NTRK2: variants seen among roughly 807,000 people sequenced by gnomAD.
The protein encoded by NTRK2 is BDNF/NT-3 growth factors receptor.
In NTRK2, 13 loss-of-function variants were observed where a neutral mutation model predicts 94.5. The ratio of observed to expected loss-of-function variants is 0.14; its 90% confidence interval spans 0.09 to 0.22. The LOEUF (loss-of-function observed/expected upper bound fraction) is 0.22. NTRK2 is among the 10% of genes least tolerant of loss of function. NTRK2 has a pLI of 1.00. For missense variants in NTRK2, 639 were observed against 1,071.2 expected (o/e 0.60, Z 5.63); for synonymous variants, 372 against 407.4 (o/e 0.91, Z 1.05).
At chr9:84,710,833 T>C (rs2131833150) in intron 6 of NTRK2, 42 bp downstream of exon 6, 1 of 1,602,222 alleles carries the variant, frequency 6.2e-7, no homozygotes, top group East Asian at 2.2e-5. Flanking sequence ...TGCTATTAAT[T>C]ATTCTCATTG....
intron 17 of NTRK2, among the ~76,000 whole-genome samples, chr9:85,018,053 A>G (rs1041825043): frequency 6.6e-6 from 1 of 152,008 alleles, no homozygotes; most frequent in Admixed American, 6.6e-5. Flanking sequence ...AAACAATGCC[A>G]TGTTTGTATC....
intron 17 of NTRK2, among the ~76,000 whole-genome samples, chr9:84,973,994 A>AT (rs11464614): frequency 0.72 from 109,868 of 152,068 alleles, 40,215 homozygotes; most frequent in African/African-American, 0.79. Context: ...CCCATGAATC[A>AT]TCAGAAGATG....
chr9:84,918,230 C>T (rs1000240639), intron 14 of NTRK2, among the ~76,000 whole-genome samples: 1 of 152,188 alleles, frequency 6.6e-6, no homozygotes, highest in South Asian at 2.1e-4. Context: ...ACTCCAACAG[C>T]GCCAAGCAAT....
chr9:84,695,558 G>T (rs1334737284), intron 2 of NTRK2, among the ~76,000 whole-genome samples: 1 of 152,148 alleles, frequency 6.6e-6, no homozygotes, highest in East Asian at 1.9e-4. Context: ...TCAGAAAAAT[G>T]TCTTAGTAAA....
chr9:84,669,816 C>T lies in NTRK2; in HGVS notation c.-445C>T, dbSNP rs1441133770. On this transcript the variant is annotated 5_prime_UTR_variant, in exon 1 of 19. The change creates a new upstream start codon in the 5' untranslated region. Transcript: ENST00000277120. This position sits in a 1 kb window ranked among gnomAD's most constrained non-coding sequence, Gnocchi z 4.1. ...CGCTGGCTGCTTCGCTCGCGCTCTA[C>T]GCGCTCAGTCCCCGGCGGTAGCAGG... 2 of 152,682 alleles carry T rather than the reference C, an allele frequency of 1.3e-5. No homozygotes were observed. 9.5% of individuals were successfully genotyped at this position (152,682 alleles called of 1,614,324 possible).
chr9:84,896,982 C>A (rs2076776417), intron 14 of NTRK2, among the ~76,000 whole-genome samples: 1 of 152,188 alleles, frequency 6.6e-6, no homozygotes, highest in Admixed American at 6.5e-5. Flanking sequence ...CTCCTGGAAT[C>A]ATAGCCCTGC....
intron 15 of NTRK2, among the ~76,000 whole-genome samples, chr9:84,936,328 T>A (rs2078212168): frequency 6.6e-6 from 1 of 152,198 alleles, no homozygotes; most frequent in African/African-American, 2.4e-5. Context: ...GTGTTATATT[T>A]CCTTCCAAAC....
intron 14 of NTRK2, among the ~76,000 whole-genome samples, chr9:84,920,842 A>G (rs576402423): frequency 5.3e-5 from 8 of 152,324 alleles, no homozygotes; most frequent in Admixed American, 4.6e-4. Flanking sequence ...CCATCCCCAC[A>G]GGGACAGTGT....
chr9:84,870,355 AT>A (rs1564411487), intron 14 of NTRK2, among the ~76,000 whole-genome samples: 4 of 127,724 alleles, frequency 3.1e-5, no homozygotes, highest in African/African-American at 1.1e-4. Flanking sequence ...ATATATATAT[AT>A]ATATATATAA....
chr9:85,014,947 A>G (rs1766323017), intron 17 of NTRK2, among the ~76,000 whole-genome samples: 1 of 152,006 alleles, frequency 6.6e-6, no homozygotes, highest in African/African-American at 2.4e-5. Flanking sequence ...ATTTTTTTTC[A>G]GCTTGATTTA....
At chr9:84,983,757 A>G (rs921542265) in intron 17 of NTRK2, among the ~76,000 whole-genome samples, 7 of 152,176 alleles carry the variant, frequency 4.6e-5, no homozygotes, top group African/African-American at 1.7e-4. Context: ...CACAAATTAC[A>G]TGATTTGAAT....
In NTRK2 at chr9:85,022,248, A is replaced by C. The variant is rs1263211227; in HGVS notation, c.*811A>C. 1 of 233,172 alleles carries C rather than the reference A, an allele frequency of 4.3e-6. No individual in the cohort carries two copies. Among genetic ancestry groups the C allele is most frequent in the East Asian group, 6.0e-5 (1 of 16,590 alleles). The allele number at this position is 233,172 out of a possible 1,614,324, so 14.4% of individuals were successfully genotyped here. On this transcript the variant is annotated 3_prime_UTR_variant, in exon 19 of 19. Transcript: ENST00000277120. ...GACCTTTCTGAGGAGTAAAAAGACT[A>C]CTGGCCTCTGTGCCATGGATGATTC...
intron 12 of NTRK2, among the ~76,000 whole-genome samples, chr9:84,766,185 G>A (rs1011898163): frequency 3.9e-5 from 6 of 152,130 alleles, no homozygotes; most frequent in Non-Finnish European, 8.8e-5. Context: ...GCTCTGCTAC[G>A]ATGACACTGG....
At chr9:84,863,426 A>T (rs2075425054) in intron 13 of NTRK2, among the ~76,000 whole-genome samples, 1 of 152,176 alleles carries the variant, frequency 6.6e-6, no homozygotes, top group African/African-American at 2.4e-5. Context: ...GCCATTTAAA[A>T]CTTTATATGA....
intron 12 of NTRK2, among the ~76,000 whole-genome samples, chr9:84,807,799 A>T (rs2071291929): frequency 6.6e-6 from 1 of 152,198 alleles, no homozygotes; most frequent in Non-Finnish European, 1.5e-5. Flanking sequence ...CGTGGCCTGG[A>T]TTGAATTTTG....
At chr9:84,875,745 C>G in intron 14 of NTRK2, 1 of 1,052,596 alleles carries the variant, frequency 9.5e-7, no homozygotes, top group Non-Finnish European at 1.1e-6. Flanking sequence ...CCAGTGATCC[C>G]CGGATCTTTC....
At chr9:84,970,207 G>T (rs369772030) in intron 17 of NTRK2, among the ~76,000 whole-genome samples, 1 of 151,930 alleles carries the variant, frequency 6.6e-6, no homozygotes, top group South Asian at 2.1e-4. Context: ...GACCAGCCTG[G>T]TCAACATGGC....
intron 14 of NTRK2, among the ~76,000 whole-genome samples, chr9:84,889,312 A>C (rs568299619): frequency 4.6e-5 from 7 of 152,106 alleles, no homozygotes; most frequent in Non-Finnish European, 7.4e-5. Context: ...TTTTTTAAAA[A>C]GTGGCTCTTT....
chr9:85,003,125 C>T (rs1830505924), intron 17 of NTRK2, among the ~76,000 whole-genome samples: 1 of 152,168 alleles, frequency 6.6e-6, no homozygotes, highest in Non-Finnish European at 1.5e-5. Context: ...TTAGCAAAGC[C>T]ATTCAGCTCA....
Sources: allele counts gnomAD v4.1 joint callset (sites outside exome capture counted in the v4.1 genomes callset), GRCh38; gene constraint gnomAD v4.1.1; non-coding constraint Gnocchi (gnomAD v3.1); transcripts MANE v1.5; gene names NCBI Gene and HGNC (gene_info 2026-07-23, HGNC 2026-07-21).